The following NCAM1 variants were observed in gnomAD, a reference collection of about 807,000 sequenced individuals.
NCAM1 encodes the protein neural cell adhesion molecule 1.
A neutral mutation model predicts 109.8 loss-of-function variants in NCAM1; 14 were observed. The ratio of observed to expected loss-of-function variants is 0.13; its 90% CI spans 0.08 to 0.20. NCAM1 has a LOEUF of 0.20. Ranked by LOEUF, NCAM1 falls within the 10% of genes least tolerant of loss-of-function variation. The pLI is 1.00. For missense variants in NCAM1, 774 were observed against 1,109.9 expected (o/e 0.70, Z 4.30); for synonymous variants, 418 against 442.9 (o/e 0.94, Z 0.70).
intron 1 of NCAM1, among the ~76,000 whole-genome samples, chr11:113,114,789 A>C (rs1296078010): frequency 6.6e-6 from 1 of 152,216 alleles, no homozygotes; most frequent in African/African-American, 2.4e-5. Context: ...GTATTCTGTG[A>C]CTGCCCAAGG....
chr11:113,123,242 C>T (rs1049485999), intron 1 of NCAM1, among the ~76,000 whole-genome samples: 3 of 152,106 alleles, frequency 2.0e-5, no homozygotes, highest in East Asian at 1.9e-4. Context: ...AAATGATAAA[C>T]GTTCCTGGCG....
intron 1 of NCAM1, among the ~76,000 whole-genome samples, chr11:113,186,269 G>A (rs1943505743): frequency 6.6e-6 from 1 of 152,196 alleles, no homozygotes; most frequent in Non-Finnish European, 1.5e-5. Context: ...TTCAGCAGCA[G>A]CATTAGATTC....
At chr11:113,240,437 C>T in intron 14 of NCAM1, 2 of 292,594 alleles carry the variant, frequency 6.8e-6, no homozygotes, top group Middle Eastern at 9.4e-4. Context: ...AAACTGAGGT[C>T]CAGATTCCTT....
intron 1 of NCAM1, among the ~76,000 whole-genome samples, chr11:112,988,369 T>C (rs1555070031): frequency 6.6e-6 from 1 of 152,198 alleles, no homozygotes; most frequent in African/African-American, 2.4e-5. Flanking sequence ...TATTTACCAT[T>C]ACCATTGAGT....
rs74426902 is a variant in NCAM1, at chr11:113,090,729, G to A, written c.53-111650G>A. ...ATTAAAATTGGGAAAAAATGAGAAC[G>A]TTTGTAGAAACTTAAATTATCCCAA... On this transcript the variant is annotated intron_variant, in intron 1 of 19. Transcript: ENST00000316851. Among the ~76,000 whole-genome samples, 369 of 152,300 alleles carry A rather than the reference G, an allele frequency of 2.4e-3. 10 individuals are homozygous for A. The East Asian group carries it at 0.06, about 25-fold the overall frequency.
At chr11:113,070,021 G>T (rs962007667) in intron 1 of NCAM1, among the ~76,000 whole-genome samples, 22 of 152,140 alleles carry the variant, frequency 1.4e-4, no homozygotes, top group Non-Finnish European at 2.9e-5. Flanking sequence ...CTGGGTTGGA[G>T]ATGTGAATAC....
intron 1 of NCAM1, among the ~76,000 whole-genome samples, chr11:113,002,696 A>G (rs1951787864): frequency 6.6e-6 from 1 of 152,064 alleles, no homozygotes; most frequent in South Asian, 2.1e-4. Context: ...CAGCAATGAG[A>G]GAATTATATT....
At chr11:113,262,849 C>A (rs782387047) in intron 17 of NCAM1, 13 of 1,613,698 alleles carry the variant, frequency 8.1e-6, no homozygotes, top group East Asian at 6.7e-5. Context: ...CCTGCAGCAA[C>A]CTTGGGAGGC....
At chr11:112,970,240 C>T (rs782634154) in intron 1 of NCAM1, among the ~76,000 whole-genome samples, 6 of 152,248 alleles carry the variant, frequency 3.9e-5, no homozygotes, top group African/African-American at 7.2e-5. Context: ...AGCAACTGAG[C>T]GTGTGCTGCC....
At chr11:113,228,227 C>G (rs1436835713) in intron 9 of NCAM1, among the ~76,000 whole-genome samples, 3 of 152,188 alleles carry the variant, frequency 2.0e-5, no homozygotes, top group African/African-American at 7.2e-5. Flanking sequence ...TAAGCAACTT[C>G]AGCAAAGTCT....
chr11:113,239,918 T>G (rs675646), intron 14 of NCAM1, among the ~76,000 whole-genome samples: 10,803 of 152,236 alleles, frequency 0.071, 509 homozygotes, highest in East Asian at 0.16. Context: ...TTTTTCCAAA[T>G]TTTCATCTAG....
intron 9 of NCAM1, chr11:113,231,097 G>C (rs1463175918): frequency 7.5e-6 from 9 of 1,194,830 alleles, no homozygotes; most frequent in Non-Finnish European, 1.1e-5. Context: ...TTTTACATGT[G>C]ATTATTTCAC....
rs782248726 is a variant in NCAM1, at chr11:113,255,890, A to C, written c.1842A>C (p.Ala614=). Residue 614 remains alanine (A), a synonymous_variant, in exon 16 of 20, where the codon GCA becomes GCC. Coordinates refer to ENST00000316851, the MANE Select transcript of NCAM1 (RefSeq NM_181351.5). ...KTQPVQGEPS[A]PKLEGQMGED... ...TGGCTGTTTCAGGGGAACCCAGTGCACCTAAGCTCGAAGGGCAGATGGGAG... is the reference window on the plus strand; with the variant it reads ...TGGCTGTTTCAGGGGAACCCAGTGCCCCTAAGCTCGAAGGGCAGATGGGAG... 4.3e-6 allele frequency: 7 copies of C among 1,612,596 alleles called. No individual in the cohort carries two copies. The African/African-American group carries it at 5.3e-5, about 12-fold the overall frequency.
At chr11:113,096,198 T>C (rs1309701696) in intron 1 of NCAM1, among the ~76,000 whole-genome samples, 1 of 152,150 alleles carries the variant, frequency 6.6e-6, no homozygotes, top group East Asian at 1.9e-4. Flanking sequence ...AACTCCAGGC[T>C]GAGCTGGGTC....
At chr11:113,200,779 G>A (rs1005370197) in intron 1 of NCAM1, among the ~76,000 whole-genome samples, 5 of 152,050 alleles carry the variant, frequency 3.3e-5, no homozygotes, top group Admixed American at 1.3e-4. Context: ...GTGACCCCGC[G>A]GCATAGTATT....
chr11:113,076,209 G>A (rs2135615494), intron 1 of NCAM1, among the ~76,000 whole-genome samples: 1 of 152,274 alleles, frequency 6.6e-6, no homozygotes, highest in South Asian at 2.1e-4. Context: ...GCCTTGAGGG[G>A]AAAGTTCTTG....
chr11:113,167,148 C>A (rs1591381359), intron 1 of NCAM1, among the ~76,000 whole-genome samples: 1 of 152,328 alleles, frequency 6.6e-6, no homozygotes, highest in Admixed American at 6.5e-5. Context: ...AGCTGTCAAG[C>A]AACACCGATC....
intron 1 of NCAM1, among the ~76,000 whole-genome samples, chr11:113,060,584 A>G (rs1221814631): frequency 6.6e-6 from 1 of 152,250 alleles, no homozygotes; most frequent in Non-Finnish European, 1.5e-5. Context: ...TAAATTATTT[A>G]TAGTTCTAGA....
At chr11:113,217,185 C>A (rs1944555233) in intron 8 of NCAM1, among the ~76,000 whole-genome samples, 1 of 152,138 alleles carries the variant, frequency 6.6e-6, no homozygotes, top group African/African-American at 2.4e-5. Context: ...CACCTGGCAC[C>A]CTGGCCTAGC....
Sources: gnomAD v4.1 joint callset for allele counts (sites outside exome capture counted in the v4.1 genomes callset) on GRCh38, gnomAD v4.1.1 for gene constraint, MANE v1.5 for transcripts, NCBI Gene and HGNC (gene_info 2026-07-23, HGNC 2026-07-21) for gene names.